Variants in GMDS observed in about 807,000 individuals in gnomAD.
GMDS encodes the protein GDP-mannose 4,6 dehydratase.
A neutral mutation model predicts 49.9 loss-of-function variants in GMDS; 20 were observed. That is an observed-to-expected ratio of 0.40 (90% CI 0.28 to 0.58). GMDS has a LOEUF of 0.58. Ranked by LOEUF, GMDS falls within the 20% of genes least tolerant of loss-of-function variation. GMDS has a pLI of 0.42. For synonymous variants in GMDS, 177 were observed against 178.6 expected, an observed-to-expected ratio of 0.99 and a Z score of 0.07; for missense variants, 362 against 481.4, an observed-to-expected ratio of 0.75 and a Z score of 2.32.
intron 7 of GMDS, among the ~76,000 whole-genome samples, chr6:1,853,298 C>T (rs944431360): frequency 1.4e-3 from 216 of 151,504 alleles, no homozygotes; most frequent in Admixed American, 2.0e-3. Context: ...GCGGGCGGAT[C>T]ACGAGGTCAG....
intron 6 of GMDS, among the ~76,000 whole-genome samples, chr6:1,958,349 T>C (rs964968269): frequency 2.6e-5 from 4 of 152,046 alleles, no homozygotes; most frequent in Admixed American, 1.3e-4. Flanking sequence ...ACCCAAACAA[T>C]GTGTATGAAC....
chr6:1,864,194 T>C (rs952368930), intron 7 of GMDS, among the ~76,000 whole-genome samples: 13 of 152,206 alleles, frequency 8.5e-5, no homozygotes, highest in African/African-American at 2.9e-4. Flanking sequence ...CATAAAATGA[T>C]ACTTAATCTT....
chr6:1,898,754 T>TTC (rs2113855013), intron 7 of GMDS, among the ~76,000 whole-genome samples: 1 of 152,264 alleles, frequency 6.6e-6, no homozygotes, highest in South Asian at 2.1e-4. Flanking sequence ...GAGATGACAC[T>TTC]CTAAAGGAAG....
At position 2,147,680 on chromosome 6, in the gene GMDS, A is replaced by G. The variant is rs189901945; in HGVS notation, c.103-22949T>C. 2.0e-5 allele frequency among the ~76,000 whole-genome samples: 3 copies of G among 151,918 alleles called. No homozygotes were observed. In the East Asian group the frequency reaches 5.8e-4, roughly 30 times the overall value. ...ATGCCACCACCATCCATCAAGTGAG[A>G]AGAGCAACAAGCTTGTATTTCTCAC... On this transcript the variant is annotated intron_variant, in intron 1 of 10. Coordinates refer to ENST00000380815, the MANE Select transcript of GMDS (RefSeq NM_001500.4).
intron 1 of GMDS, among the ~76,000 whole-genome samples, chr6:2,220,473 G>A (rs1780534655): frequency 6.6e-6 from 1 of 152,172 alleles, no homozygotes. Context: ...ATAGATGTGA[G>A]ACAATAATTG....
At chr6:1,959,621 T>C (rs1763829095) in intron 6 of GMDS, 1 of 292,782 alleles carries the variant, frequency 3.4e-6, no homozygotes, top group African/African-American at 2.2e-5. Flanking sequence ...ATCTACTAAT[T>C]AAAATGGTAA....
chr6:1,865,917 A>G (rs1244639102), intron 7 of GMDS, among the ~76,000 whole-genome samples: 1 of 152,214 alleles, frequency 6.6e-6, no homozygotes, highest in Non-Finnish European at 1.5e-5. Flanking sequence ...CTATATATAC[A>G]GCCCCCAGCC....
chr6:2,033,840 A>G (rs1263776791), intron 4 of GMDS, among the ~76,000 whole-genome samples: 1 of 152,150 alleles, frequency 6.6e-6, no homozygotes, highest in African/African-American at 2.4e-5. Context: ...AGGTGTTGAA[A>G]CTGTACTTTT....
intron 1 of GMDS, among the ~76,000 whole-genome samples, chr6:2,151,353 T>C (rs766932574): frequency 2.0e-5 from 3 of 152,114 alleles, no homozygotes; most frequent in Non-Finnish European, 4.4e-5. Context: ...TTATTTTATT[T>C]TCATTGAAGA....
intron 9 of GMDS, among the ~76,000 whole-genome samples, chr6:1,690,396 G>A (rs1765130825): frequency 6.6e-6 from 1 of 152,106 alleles, no homozygotes; most frequent in Non-Finnish European, 1.5e-5. Context: ...TAATTTCTGT[G>A]TAAGGTATAA....
chr6:2,135,763 A>G (rs1044683687), intron 1 of GMDS, among the ~76,000 whole-genome samples: 1 of 152,262 alleles, frequency 6.6e-6, no homozygotes, highest in African/African-American at 2.4e-5. Flanking sequence ...AAAAAAGGTA[A>G]AAAGAAACAG....
At chr6:1,631,100 A>G (rs1762986758) in intron 9 of GMDS, among the ~76,000 whole-genome samples, 1 of 152,148 alleles carries the variant, frequency 6.6e-6, no homozygotes, top group Non-Finnish European at 1.5e-5. Context: ...GAGTGGACCG[A>G]TTAGGGACTC....
At position 1,990,782 on chromosome 6, in the gene GMDS, T is replaced by C. The variant is rs369284086; in HGVS notation, c.346-29816A>G. 1.0e-3 allele frequency among the ~76,000 whole-genome samples: 149 copies of C among 149,602 alleles called. 2 individuals are homozygous for C. In the Middle Eastern group the frequency reaches 0.036, roughly 36 times the overall value. On this transcript the variant is annotated intron_variant, in intron 4 of 10. Transcript: ENST00000380815. ...GGGGGGTAGAGGCAGGGTTTCACCA[T>C]GTTGCTGCCCAAGTTGGTCTCGAAC...
At chr6:1,882,462 G>A (rs1361467220) in intron 7 of GMDS, among the ~76,000 whole-genome samples, 4 of 152,192 alleles carry the variant, frequency 2.6e-5, no homozygotes, top group Non-Finnish European at 4.4e-5. Context: ...AAAGTGTAAT[G>A]AGAGGTGCTC....
At chr6:2,048,916 T>C (rs79807831) in intron 4 of GMDS, among the ~76,000 whole-genome samples, 3,955 of 152,260 alleles carry the variant, frequency 0.026, 77 homozygotes, top group South Asian at 0.061. Context: ...AATACCAATA[T>C]GGGGATGGAG....
intron 7 of GMDS, among the ~76,000 whole-genome samples, chr6:1,793,812 C>G (rs1387056812): frequency 6.6e-6 from 1 of 152,172 alleles, no homozygotes; most frequent in African/African-American, 2.4e-5. Context: ...CATCTCAGTG[C>G]TTCTCCCAAA....
intron 1 of GMDS, among the ~76,000 whole-genome samples, chr6:2,158,276 T>A (rs1777209089): frequency 6.6e-6 from 1 of 152,160 alleles, no homozygotes; most frequent in South Asian, 2.1e-4. Context: ...AAAACATATG[T>A]ACGCATAAGG....
intron 4 of GMDS, among the ~76,000 whole-genome samples, chr6:2,063,291 G>T (rs1771301796): frequency 6.6e-6 from 1 of 152,210 alleles, no homozygotes; most frequent in African/African-American, 2.4e-5. Flanking sequence ...TTCTGGTACT[G>T]AAGATATCTA....
At chr6:1,681,878 T>C (rs539921066) in intron 9 of GMDS, among the ~76,000 whole-genome samples, 33 of 152,348 alleles carry the variant, frequency 2.2e-4, no homozygotes, top group African/African-American at 7.7e-4. Flanking sequence ...GTATTTCTTA[T>C]AGAGACAAGG....
Sources: allele counts gnomAD v4.1 joint callset (sites outside exome capture counted in the v4.1 genomes callset), GRCh38; gene constraint gnomAD v4.1.1; transcripts MANE v1.5; gene names NCBI Gene and HGNC (gene_info 2026-07-23, HGNC 2026-07-21).